MAP3K9: variants seen among roughly 807,000 people sequenced by gnomAD.
MAP3K9 encodes the protein mixed lineage kinase 1 (tyr and ser/thr specificity).
A neutral mutation model predicts 95.8 loss-of-function variants in MAP3K9; 46 were observed. That is an observed-to-expected ratio of 0.48 (90% confidence interval 0.38 to 0.61). The LOEUF is 0.61. Among genes scored for constraint, MAP3K9 ranks in the 20% least tolerant of loss-of-function variants. The probability of loss-of-function intolerance (pLI) is 0.00; values close to 1 mark genes in which losing one functional copy is unlikely to be tolerated. For synonymous variants in MAP3K9, 533 were observed against 593.8 expected (o/e 0.90, Z 1.49); for missense variants, 1,296 against 1,474.3 (o/e 0.88, Z 1.98).
intron 2 of MAP3K9, among the ~76,000 whole-genome samples, chr14:70,768,788 A>C (rs1366086856): frequency 1.3e-5 from 2 of 152,008 alleles, no homozygotes; most frequent in African/African-American, 2.4e-5. Flanking sequence ...TTGGTTGATG[A>C]TCTATGTCAT....
At chr14:70,778,876 C>T (rs1003937302) in intron 2 of MAP3K9, among the ~76,000 whole-genome samples, 2 of 152,294 alleles carry the variant, frequency 1.3e-5, no homozygotes, top group African/African-American at 4.8e-5. Context: ...CCTTACCCTA[C>T]CCCGTCCACC....
At chr14:70,793,869 A>G (rs2054833683) in intron 2 of MAP3K9, among the ~76,000 whole-genome samples, 2 of 152,224 alleles carry the variant, frequency 1.3e-5, no homozygotes, top group Admixed American at 1.3e-4. Context: ...GTTATGGCCT[A>G]TGAATGCCTA....
At chr14:70,735,158 C>G (rs936709580) in intron 9 of MAP3K9, among the ~76,000 whole-genome samples, 1 of 152,108 alleles carries the variant, frequency 6.6e-6, no homozygotes, top group African/African-American at 2.4e-5. Context: ...GACAGGAGCT[C>G]GCTTTCAAAT....
rs2053930617 is a variant in MAP3K9 at position 70,732,938 on chromosome 14, G to C, written c.2431C>G (p.Pro811Ala). 1.2e-6 allele frequency: 2 copies of C among 1,613,940 alleles called. No individual in the cohort carries two copies. Among genetic ancestry groups the C allele is most frequent in the African/African-American group, 1.3e-5 (1 of 74,922 alleles). The change falls in exon 11 of 12, where the codon CCA (proline) becomes GCA (alanine). Residue 811 changes from proline to alanine, a missense_variant. Transcript: ENST00000554752. ...SSRPRRSTSPPSRKLFKKEEP... is the reference protein window; with the variant it reads ...SSRPRRSTSPASRKLFKKEEP... ...TCCTTCTTGAAAAGCTTTCGGGATG[G>C]GGGGCTGGTGCTCCGACGAGGACGG...
rs950590274 is a variant in MAP3K9, at chr14:70,798,461, G to A, written c.820+2206C>T. Among the ~76,000 whole-genome samples the A allele has an allele frequency of 4.0e-4, 26 of 65,208 alleles. No homozygotes were observed. The South Asian group carries it at 0.012, about 29-fold the overall frequency. The allele number at this position is 65,208 out of a possible 152,430, so 42.8% of individuals were successfully genotyped here. ...TAGGTAGAAATTACTTTGAAAAGAG[G>A]TCACCAAAAGTTTTTTTTTTTTTTT... On this transcript the variant is annotated intron_variant, in intron 2 of 11. Coordinates refer to ENST00000554752, the MANE Select transcript of MAP3K9 (RefSeq NM_001284230.2).
At chr14:70,738,000 G>A (rs962013368) in intron 8 of MAP3K9, among the ~76,000 whole-genome samples, 4 of 152,122 alleles carry the variant, frequency 2.6e-5, no homozygotes, top group Non-Finnish European at 5.9e-5. Context: ...GTTGTGACAG[G>A]GCCATAGGAA....
intron 2 of MAP3K9, among the ~76,000 whole-genome samples, chr14:70,780,306 T>C (rs1025374742): frequency 1.3e-5 from 2 of 152,150 alleles, no homozygotes; most frequent in Non-Finnish European, 2.9e-5. Flanking sequence ...GGAACTAATA[T>C]ATTTATAGGC....
intron 6 of MAP3K9, among the ~76,000 whole-genome samples, chr14:70,741,320 C>T (rs1219668159): frequency 6.6e-6 from 1 of 152,116 alleles, no homozygotes; most frequent in African/African-American, 2.4e-5. Context: ...GAACTCCTGA[C>T]CTCAGATGAT....
chr14:70,745,610 C>A (rs1051569180), intron 5 of MAP3K9, among the ~76,000 whole-genome samples: 2 of 152,026 alleles, frequency 1.3e-5, no homozygotes, highest in African/African-American at 4.8e-5. Flanking sequence ...TGTTGACGTG[C>A]ACCTGTAATC....
intron 4 of MAP3K9, 46 bp from the exon 5 acceptor site, chr14:70,749,050 C>T (rs143861286): frequency 1.3e-5 from 20 of 1,576,298 alleles, no homozygotes; most frequent in Admixed American, 3.5e-5. Context: ...TGGACAGAAG[C>T]AAACATGTAA....
intron 8 of MAP3K9, among the ~76,000 whole-genome samples, chr14:70,737,264 A>C (rs916483007): frequency 2.6e-5 from 4 of 152,268 alleles, no homozygotes; most frequent in Non-Finnish European, 5.9e-5. Flanking sequence ...GGGCCAGCTC[A>C]TCCTCTCTGC....
chr14:70,801,788 G>A (rs757844368), intron 1 of MAP3K9, among the ~76,000 whole-genome samples: 2 of 152,206 alleles, frequency 1.3e-5, no homozygotes, highest in Non-Finnish European at 2.9e-5. Flanking sequence ...CCTAAAGAGT[G>A]AGTGGGAGAG....
chr14:70,733,255 C>T lies in MAP3K9; in HGVS notation c.2114G>A (p.Arg705His), dbSNP rs146243565. The change falls in exon 11 of 12, where the codon CGT becomes CAT. Residue 705 changes from arginine to histidine, a missense_variant. By Grantham distance (29) the Arg-to-His change is conservative (BLOSUM62 0). Coordinates refer to ENST00000554752, the MANE Select transcript of MAP3K9 (RefSeq NM_001284230.2). ...SQSYLCIPFP[R>H]GEDGDGPSSD... ...GGAGGGGCCATCGCCATCCTCTCCA[C>T]GAGGGAATGGGATACAGAGGTAGGA... 896 of 1,612,434 alleles carry T rather than the reference C, an allele frequency of 5.6e-4. 3 individuals are homozygous for T. The highest frequency in any genetic ancestry group is 8.8e-4 in the Admixed American group (53 of 59,896).
chr14:70,765,589 A>G, intron 2 of MAP3K9: 1 of 515,068 alleles, frequency 1.9e-6, no homozygotes, highest in Non-Finnish European at 3.5e-6. Context: ...CTGCATTACA[A>G]TTGTCTACAA....
intron 7 of MAP3K9, 161 bp downstream of exon 7, chr14:70,739,881 G>A: frequency 1.3e-6 from 2 of 1,581,550 alleles, no homozygotes; most frequent in Non-Finnish European, 1.7e-6. Context: ...AAGGGAGAGG[G>A]CTAAGGGTTT....
At position 70,730,577 on chromosome 14, in the gene MAP3K9, T is replaced by C; in HGVS notation, c.3118A>G (p.Ser1040Gly). ...CCAGGCCGCTCCTCTACAGTGCTGC[T>C]ACTGCTAGCAAAGCAGGAGTCCAGG... ...SNLDSCFASS[S>G]STVEERPGLP... Residue 1040 changes from serine (S) to glycine (G), a missense_variant, in exon 12 of 12, where the codon AGC becomes GGC. Ser to Gly is a moderately conservative substitution (Grantham distance 56). Transcript: ENST00000554752. 1 of 1,614,054 alleles carries C rather than the reference T, an allele frequency of 6.2e-7. No individual in the cohort carries two copies. Among genetic ancestry groups the C allele is most frequent in the East Asian group, 2.2e-5 (1 of 44,888 alleles).
At chr14:70,742,825 C>T (rs959618217) in intron 5 of MAP3K9, among the ~76,000 whole-genome samples, 1 of 151,540 alleles carries the variant, frequency 6.6e-6, no homozygotes, top group Non-Finnish European at 1.5e-5. Context: ...GAAGATAAAG[C>T]CATAGGTCAA....
intron 5 of MAP3K9, among the ~76,000 whole-genome samples, chr14:70,745,122 G>C (rs993357308): frequency 6.6e-6 from 1 of 152,154 alleles, no homozygotes; most frequent in African/African-American, 2.4e-5. Flanking sequence ...AGTGGGGTGT[G>C]GGGTGGAACC....
In MAP3K9 at chr14:70,800,671, G is replaced by T; in HGVS notation, c.816C>A (p.Ser272Arg). Residue 272 changes from serine (S) to arginine (R), a missense_variant, in exon 2 of 12, where the codon AGC becomes AGA. By Grantham distance (110) the Ser-to-Arg change is moderately radical (BLOSUM62 -1). Coordinates refer to ENST00000554752, the MANE Select transcript of MAP3K9 (RefSeq NM_001284230.2). ...VPIIHRDLKS[S>R]NILILQKVEN... ...GCCCCATCTCTTCATACTCACTGTT[G>T]CTGGACTTAAGGTCGCGGTGGATGA... 1.2e-6 allele frequency: 2 copies of T among 1,612,734 alleles called. No homozygotes were observed.
Sources: gnomAD v4.1 joint callset for allele counts (sites outside exome capture counted in the v4.1 genomes callset) on GRCh38, gnomAD v4.1.1 for gene constraint, MANE v1.5 for transcripts, NCBI Gene and HGNC (gene_info 2026-07-23, HGNC 2026-07-21) for gene names.